The following MYRIP variants were observed in gnomAD, a reference collection of about 807,000 sequenced individuals.
MYRIP encodes the protein myosin VIIA and Rab interacting protein.
A neutral mutation model predicts 98.0 loss-of-function variants in MYRIP; 49 were observed. The ratio of observed to expected loss-of-function variants is 0.50; its 90% CI spans 0.40 to 0.63. MYRIP has a LOEUF of 0.63. MYRIP is among the 30% of genes least tolerant of loss of function. The pLI, the probability that MYRIP is intolerant of heterozygous loss-of-function variation, is 0.00. For missense variants in MYRIP, 1,004 were observed against 1,058.2 expected (o/e 0.95, Z 0.71); for synonymous variants, 404 against 409.5 (o/e 0.99, Z 0.16).
intron 1 of MYRIP, among the ~76,000 whole-genome samples, chr3:39,890,441 C>G (rs1213629252): frequency 6.6e-6 from 1 of 151,880 alleles, no homozygotes; most frequent in Non-Finnish European, 1.5e-5. Flanking sequence ...TCACTCTTTC[C>G]AGTGTTCCAG....
chr3:40,162,459 T>C (rs1484084886), intron 4 of MYRIP, among the ~76,000 whole-genome samples: 1 of 152,196 alleles, frequency 6.6e-6, no homozygotes, highest in Non-Finnish European at 1.5e-5. Flanking sequence ...TTTTGTTCTG[T>C]CTTTGACTCC....
At chr3:40,107,074 G>T (rs1484255655) in intron 3 of MYRIP, among the ~76,000 whole-genome samples, 1 of 152,222 alleles carries the variant, frequency 6.6e-6, no homozygotes, top group South Asian at 2.1e-4. Flanking sequence ...GATTATGCTA[G>T]TATTGCAACC....
intron 1 of MYRIP, among the ~76,000 whole-genome samples, chr3:39,894,901 A>G (rs1466994321): frequency 6.6e-6 from 1 of 152,204 alleles, no homozygotes; most frequent in East Asian, 1.9e-4. Flanking sequence ...CCATCTAAAC[A>G]TTTATACTTA....
At position 39,872,166 on chromosome 3, in the gene MYRIP, T is replaced by G. The variant is rs917051615; in HGVS notation, c.-30-28621T>G. On this transcript the variant is annotated intron_variant, in intron 1 of 16. Coordinates refer to ENST00000302541, the MANE Select transcript of MYRIP (RefSeq NM_015460.4). ...ATGTGAATAGCATAAATAGTGCTTC[T>G]GATTATAAAGTTAATGAATACTTAC... Among the ~76,000 whole-genome samples the G allele has an allele frequency of 1.4e-4, 21 of 152,252 alleles. 1 individual carries two copies. In the Middle Eastern group the frequency reaches 0.017, roughly 123 times the overall value.
rs903747244 is a variant in MYRIP, at chr3:40,258,538, T to G, written c.*372T>G. On this transcript the variant is annotated 3_prime_UTR_variant, in exon 17 of 17. Transcript: ENST00000302541. The stretch of plus-strand genomic sequence containing the variant: ...TCAGCTAGTATTCCATGTCAACAAT[T>G]TGTCCAAAGGAAAACTGCTGGAGGG... The G allele has an allele frequency of 4.5e-6, 1 of 219,874 alleles. No individual in the cohort carries two copies. The highest frequency in any genetic ancestry group is 5.0e-5 in the Admixed American group (1 of 20,070). 13.6% of individuals were successfully genotyped at this position (219,874 alleles called of 1,614,324 possible). A position where few individuals can be genotyped will look rare whatever the true frequency, so the allele number is the denominator to read the frequency against.
rs192146282 is a variant in MYRIP, at chr3:40,250,288, C to T, written c.2329C>T (p.Arg777Cys). ...AGGATTAAACATAGCACCATGTGTGCGCTTCACAAGAAGACGGGATCAGAA... is the reference window on the plus strand; with the variant it reads ...AGGATTAAACATAGCACCATGTGTGTGCTTCACAAGAAGACGGGATCAGAA... ...IAGLNIAPCV[R>C]FTRRRDQKQR... Residue 777 changes from arginine (R) to cysteine (C), a missense_variant, in exon 14 of 17, where the codon CGC (arginine) becomes TGC (cysteine). Physicochemically the swap from Arg to Cys is radical, Grantham distance 180. Coordinates refer to ENST00000302541, the MANE Select transcript of MYRIP (RefSeq NM_015460.4). The T allele has an allele frequency of 1.5e-5, 25 of 1,614,088 alleles. No individual in the cohort carries two copies. The highest frequency in any genetic ancestry group is 3.3e-5 in the South Asian group (3 of 91,078).
chr3:39,884,630 C>T (rs1370876512), intron 1 of MYRIP, among the ~76,000 whole-genome samples: 1 of 152,000 alleles, frequency 6.6e-6, no homozygotes, highest in African/African-American at 2.4e-5. Context: ...TTTGTTTCTC[C>T]CATTTTATCC....
chr3:40,083,218 A>G (rs1189389155), intron 3 of MYRIP, among the ~76,000 whole-genome samples: 1 of 152,210 alleles, frequency 6.6e-6, no homozygotes, highest in African/African-American at 2.4e-5. Flanking sequence ...TTATTGTGTG[A>G]TTCCAGTCAG....
chr3:40,139,325 A>G (rs1949846908), intron 3 of MYRIP, among the ~76,000 whole-genome samples: 2 of 152,220 alleles, frequency 1.3e-5, no homozygotes, highest in Admixed American at 1.3e-4. Flanking sequence ...TGACAAATAT[A>G]TACAATCATA....
chr3:39,848,644 T>C (rs762701034), intron 1 of MYRIP, among the ~76,000 whole-genome samples: 2 of 152,222 alleles, frequency 1.3e-5, no homozygotes, highest in Non-Finnish European at 2.9e-5. Context: ...TACTTTCAGA[T>C]GACAAATATT....
At chr3:39,854,185 T>A (rs1942218618) in intron 1 of MYRIP, among the ~76,000 whole-genome samples, 1 of 152,148 alleles carries the variant, frequency 6.6e-6, no homozygotes, top group Admixed American at 6.5e-5. Context: ...TAAAGTTAGG[T>A]AATGTGATCT....
chr3:40,092,399 C>T (rs974615497), intron 3 of MYRIP, among the ~76,000 whole-genome samples: 1 of 152,150 alleles, frequency 6.6e-6, no homozygotes, highest in Non-Finnish European at 1.5e-5. Context: ...GATAGCTATG[C>T]CTCCCCAAAA....
chr3:40,188,014 C>T (rs1951083136), intron 9 of MYRIP, among the ~76,000 whole-genome samples: 1 of 152,178 alleles, frequency 6.6e-6, no homozygotes, highest in African/African-American at 2.4e-5. Flanking sequence ...CTTGTATCAG[C>T]CCACTGCCAG....
chr3:40,084,296 T>G (rs12054092), intron 3 of MYRIP, among the ~76,000 whole-genome samples: 3,318 of 12,578 alleles, frequency 0.26, 62 homozygotes, highest in East Asian at 0.38. Flanking sequence ...TATATCGATA[T>G]ATAATACACA....
At chr3:39,938,533 G>A (rs1261824037) in intron 2 of MYRIP, among the ~76,000 whole-genome samples, 1 of 152,144 alleles carries the variant, frequency 6.6e-6, no homozygotes, top group Non-Finnish European at 1.5e-5. Flanking sequence ...TATTAGGGCA[G>A]ATATTGCCAA....
At chr3:40,199,767 G>T (rs1288128157) in intron 10 of MYRIP, among the ~76,000 whole-genome samples, 3 of 152,148 alleles carry the variant, frequency 2.0e-5, no homozygotes, top group African/African-American at 4.8e-5. Context: ...CTAAAGGGAA[G>T]GCAGCAGAGT....
intron 3 of MYRIP, among the ~76,000 whole-genome samples, chr3:40,064,666 T>C (rs762069502): frequency 2.6e-5 from 4 of 152,202 alleles, no homozygotes; most frequent in Non-Finnish European, 4.4e-5. Context: ...CTGGGTGAAG[T>C]TGACGTTTCT....
At chr3:40,134,346 A>G (rs911099468) in intron 3 of MYRIP, among the ~76,000 whole-genome samples, 2 of 152,206 alleles carry the variant, frequency 1.3e-5, no homozygotes, top group South Asian at 2.1e-4. Context: ...AGGGGCGCCC[A>G]CAATTGCTCA....
chr3:40,075,877 T>C (rs140287150), intron 3 of MYRIP, among the ~76,000 whole-genome samples: 1 of 152,184 alleles, frequency 6.6e-6, no homozygotes, highest in African/African-American at 2.4e-5. Flanking sequence ...CCTAACTGTA[T>C]TGTCAGGAAA....
Sources: gnomAD v4.1 joint callset for allele counts (sites outside exome capture counted in the v4.1 genomes callset) on GRCh38, gnomAD v4.1.1 for gene constraint, MANE v1.5 for transcripts, NCBI Gene and HGNC (gene_info 2026-07-23, HGNC 2026-07-21) for gene names.